Variants in TRUB1 observed in about 807,000 individuals in gnomAD.
The protein encoded by TRUB1 is pseudouridylate synthase TRUB1.
Under a neutral mutation model 33.9 loss-of-function variants are expected in TRUB1, and 23 were observed. That is an observed-to-expected ratio of 0.68 (90% confidence interval 0.49 to 0.96). TRUB1 has a LOEUF of 0.96. Among genes scored for constraint, TRUB1 ranks in the 40% least tolerant of loss-of-function variants. The probability of loss-of-function intolerance (pLI) is 0.00; values close to 1 mark genes in which losing one functional copy is unlikely to be tolerated. For missense variants in TRUB1, 378 were observed against 422.2 expected (o/e 0.90, Z 0.92); for synonymous variants, 163 against 165.4 (o/e 0.99, Z 0.11).
intron 4 of TRUB1, among the ~76,000 whole-genome samples, chr10:114,966,727 C>G (rs1592053546): frequency 6.6e-6 from 1 of 152,134 alleles, no homozygotes; most frequent in African/African-American, 2.4e-5. Context: ...ACCTCAAATT[C>G]TGAAGTTTCA....
At chr10:114,950,825 A>G (rs554449768) in intron 2 of TRUB1, among the ~76,000 whole-genome samples, 2 of 152,272 alleles carry the variant, frequency 1.3e-5, no homozygotes, top group South Asian at 4.1e-4. Flanking sequence ...CTAAGGCTTC[A>G]TTGTCTAATT....
chr10:114,974,459 CG>C (rs2084351101), intron 7 of TRUB1, 74 bp downstream of exon 7: 3 of 1,349,622 alleles, frequency 2.2e-6, no homozygotes, highest in Non-Finnish European at 3.2e-6. Context: ...GGGAATTTTC[CG>C]TTTTTCTTAT....
chr10:114,951,077 C>A lies in TRUB1; in HGVS notation c.386-17C>A. 6.2e-7 allele frequency: 1 copy of A among 1,608,168 alleles called. No individual in the cohort carries two copies. The highest frequency in any genetic ancestry group is 8.5e-7 in the Non-Finnish European group (1 of 1,175,866). ...TTCAGAACAGAGTGTCATAATATTTCTTTCTTTGATTTGTAGTTGTTGGAA... is the reference window on the plus strand; with the variant it reads ...TTCAGAACAGAGTGTCATAATATTTATTTCTTTGATTTGTAGTTGTTGGAA... On this transcript the variant is annotated splice_polypyrimidine_tract_variant and intron_variant, in intron 2 of 7. Coordinates refer to ENST00000298746, the MANE Select transcript of TRUB1 (RefSeq NM_139169.5).
At chr10:114,959,933 A>C (rs1216221064) in intron 4 of TRUB1, 126 bp downstream of exon 4, 2 of 626,506 alleles carry the variant, frequency 3.2e-6, no homozygotes, top group Non-Finnish European at 5.5e-6. Context: ...TCTTTGGGCT[A>C]AGAAGATTGG....
At chr10:114,938,569 A>T (rs1475930209) in intron 1 of TRUB1, 30 bp downstream of exon 1, 1 of 1,505,196 alleles carries the variant, frequency 6.6e-7, no homozygotes, top group Non-Finnish European at 8.9e-7. Context: ...GACCAGGCTG[A>T]GGCGGTCGCT....
intron 3 of TRUB1, among the ~76,000 whole-genome samples, chr10:114,952,710 G>C (rs1278359743): frequency 6.6e-6 from 1 of 152,066 alleles, no homozygotes. Flanking sequence ...TCAAAATATT[G>C]GTGTTGAAAA....
At chr10:114,941,545 G>A (rs1242760844) in intron 1 of TRUB1, among the ~76,000 whole-genome samples, 2 of 152,026 alleles carry the variant, frequency 1.3e-5, no homozygotes, top group Non-Finnish European at 2.9e-5. Flanking sequence ...GTTTCCCTGT[G>A]TTGCCTAGGG....
At chr10:114,961,471 T>C (rs1240896219) in intron 4 of TRUB1, among the ~76,000 whole-genome samples, 1 of 152,222 alleles carries the variant, frequency 6.6e-6, no homozygotes, top group Admixed American at 6.5e-5. Context: ...ACAAAAATAC[T>C]TAAACATATC....
At chr10:114,956,845 C>T (rs1395357492) in intron 3 of TRUB1, among the ~76,000 whole-genome samples, 1 of 151,944 alleles carries the variant, frequency 6.6e-6, no homozygotes, top group Non-Finnish European at 1.5e-5. Context: ...AAAATGTGTG[C>T]CAGGGTTTCT....
At chr10:114,967,662 A>G (rs930507930) in intron 4 of TRUB1, among the ~76,000 whole-genome samples, 1 of 152,222 alleles carries the variant, frequency 6.6e-6, no homozygotes, top group African/African-American at 2.4e-5. Flanking sequence ...TACCTCTTTT[A>G]CCAAATATGT....
intron 3 of TRUB1, among the ~76,000 whole-genome samples, chr10:114,957,831 A>G (rs985033758): frequency 1.3e-5 from 2 of 152,216 alleles, no homozygotes; most frequent in Admixed American, 6.5e-5. Flanking sequence ...TGGTTTTCTT[A>G]TGCAACTAAA....
In TRUB1 at chr10:114,977,628, C is replaced by T. The variant is rs1212141330; in HGVS notation, c.*2249C>T. 6.6e-6 allele frequency: 1 copy of T among 151,910 alleles called. No homozygotes were observed. Among genetic ancestry groups the T allele is most frequent in the East Asian group, 1.9e-4 (1 of 5,196 alleles). 9.4% of individuals were successfully genotyped at this position (151,910 alleles called of 1,614,324 possible). On this transcript the variant is annotated 3_prime_UTR_variant, in exon 8 of 8. Coordinates refer to ENST00000298746, the MANE Select transcript of TRUB1 (RefSeq NM_139169.5). Reference sequence around the variant, plus strand: ...TCTGATTTGCTTTTATGTGATTTATCTGTATACTTTGTTCATTTATATAAA... The same window carrying T: ...TCTGATTTGCTTTTATGTGATTTATTTGTATACTTTGTTCATTTATATAAA...
At chr10:114,945,685 AT>A (rs1183560784) in intron 2 of TRUB1, among the ~76,000 whole-genome samples, 3 of 151,902 alleles carry the variant, frequency 2.0e-5, no homozygotes, top group Non-Finnish European at 4.4e-5. Context: ...TGTGATTTTT[AT>A]TTTTTTTAAG....
rs7091856 is a variant in TRUB1 at position 114,966,951 on chromosome 10, T to C, written c.524-3417T>C. Reference sequence around the variant, plus strand: ...TCTGGGGTGTCTATCAAATGACTTGTGCATTCAACAAAGTTTCTTCATTCT... The same window carrying C: ...TCTGGGGTGTCTATCAAATGACTTGCGCATTCAACAAAGTTTCTTCATTCT... On this transcript the variant is annotated intron_variant, in intron 4 of 7. Coordinates refer to ENST00000298746, the MANE Select transcript of TRUB1 (RefSeq NM_139169.5). Among the ~76,000 whole-genome samples the C allele has an allele frequency of 7.3e-3, 1,110 of 152,336 alleles. 19 individuals are homozygous for C. The highest frequency in any genetic ancestry group is 0.026 in the African/African-American group (1,070 of 41,570).
intron 2 of TRUB1, among the ~76,000 whole-genome samples, chr10:114,945,594 TG>T: frequency 6.6e-6 from 1 of 152,238 alleles, no homozygotes; most frequent in Admixed American, 6.5e-5. Flanking sequence ...CTTTGGCCTG[TG>T]GGCTGCACGT....
At chr10:114,962,301 A>G (rs942226703) in intron 4 of TRUB1, among the ~76,000 whole-genome samples, 1 of 152,166 alleles carries the variant, frequency 6.6e-6, no homozygotes, top group African/African-American at 2.4e-5. Flanking sequence ...ACTCAAACAT[A>G]CAGCATAATT....
At chr10:114,944,875 C>T (rs1462270981) in intron 2 of TRUB1, among the ~76,000 whole-genome samples, 1 of 152,058 alleles carries the variant, frequency 6.6e-6, no homozygotes, top group Non-Finnish European at 1.5e-5. Flanking sequence ...GTCCCAGCTA[C>T]TTGGGAGGCT....
intron 4 of TRUB1, among the ~76,000 whole-genome samples, chr10:114,967,760 A>C (rs2084316579): frequency 6.6e-6 from 1 of 152,170 alleles, no homozygotes; most frequent in Non-Finnish European, 1.5e-5. Flanking sequence ...CTTTATACTT[A>C]TGTCATAAGA....
intron 2 of TRUB1, among the ~76,000 whole-genome samples, chr10:114,945,603 C>T (rs536824028): frequency 1.1e-4 from 16 of 152,292 alleles, no homozygotes; most frequent in East Asian, 1.9e-4. Flanking sequence ...GTGGGCTGCA[C>T]GTGGCCTAGG....
Sources: allele counts gnomAD v4.1 joint callset (sites outside exome capture counted in the v4.1 genomes callset), GRCh38; gene constraint gnomAD v4.1.1; transcripts MANE v1.5; gene names NCBI Gene and HGNC (gene_info 2026-07-23, HGNC 2026-07-21).